YPEL2: variants seen among roughly 807,000 people sequenced by gnomAD.
YPEL2 encodes the protein protein yippee-like 2.
YPEL2 carries 2 observed loss-of-function variants against 19.1 expected under a neutral mutation model. The ratio of observed to expected loss-of-function variants is 0.10; its 90% confidence interval spans 0.04 to 0.33. The LOEUF is 0.33. YPEL2 is among the 10% of genes least tolerant of loss of function. The pLI, the probability that YPEL2 is intolerant of heterozygous loss-of-function variation, is 1.00. For synonymous variants in YPEL2, 52 were observed against 50.0 expected (o/e 1.04, Z -0.17); for missense variants, 66 against 140.7 (o/e 0.47, Z 2.68).
chr17:59,391,973 T>C (rs1455284526), intron 4 of YPEL2, among the ~76,000 whole-genome samples: 1 of 151,912 alleles, frequency 6.6e-6, no homozygotes, highest in Non-Finnish European at 1.5e-5. Flanking sequence ...CAGCTTCCTA[T>C]GGTTGGCTTG....
At chr17:59,389,117 A>C (rs942844996) in intron 3 of YPEL2, 11 of 515,236 alleles carry the variant, frequency 2.1e-5, no homozygotes, top group Non-Finnish European at 3.8e-5. Flanking sequence ...AATTTTAAGC[A>C]AACTCTCAAC....
intron 2 of YPEL2, among the ~76,000 whole-genome samples, chr17:59,374,726 T>C (rs1429010750): frequency 6.6e-6 from 1 of 152,122 alleles, no homozygotes; most frequent in Non-Finnish European, 1.5e-5. Context: ...TAGGGAAAAT[T>C]TGAAGGGACC....
rs866593262 is a variant in YPEL2, at chr17:59,389,489, T to C, written c.270+21T>C. On this transcript the variant is annotated intron_variant, in intron 4 of 4. Transcript: ENST00000312655. ...AATACGTAAGTATAAAGGAGTTTGG[T>C]TGGTAGAGGGCTGGAAGGGAATTGC... 5 of 1,593,530 alleles carry C rather than the reference T, an allele frequency of 3.1e-6. No homozygotes were observed. In the Middle Eastern group the frequency reaches 8.3e-4, roughly 264 times the overall value.
intron 1 of YPEL2, among the ~76,000 whole-genome samples, chr17:59,334,813 ATGT>A (rs1350903339): frequency 2.0e-5 from 3 of 152,200 alleles, no homozygotes; most frequent in Non-Finnish European, 4.4e-5. Context: ...AACTTTAATA[ATGT>A]TCAGTTTGGC....
chr17:59,346,965 A>C (rs974340704), intron 1 of YPEL2, among the ~76,000 whole-genome samples: 1 of 152,182 alleles, frequency 6.6e-6, no homozygotes, highest in African/African-American at 2.4e-5. Context: ...ATGCCTCCTA[A>C]GAGAGTTCCT....
Position 59,397,250 on chromosome 17 carries a change from C to T in YPEL2, c.*60C>T. 7.3e-7 allele frequency: 1 copy of T among 1,376,760 alleles called. No homozygotes were observed. The highest frequency in any genetic ancestry group is 9.9e-7 in the Non-Finnish European group (1 of 1,006,182). 85.3% of individuals were successfully genotyped at this position (1,376,760 alleles called of 1,614,324 possible). On this transcript the variant is annotated 3_prime_UTR_variant, in exon 5 of 5. Coordinates refer to ENST00000312655, the MANE Select transcript of YPEL2 (RefSeq NM_001005404.4). ...AACGCCATTCAACCGAACATTCTTC[C>T]CAAGCGTGAGAGAGTGACTGACACT...
At chr17:59,356,677 A>G (rs2147941679) in intron 2 of YPEL2, among the ~76,000 whole-genome samples, 1 of 152,350 alleles carries the variant, frequency 6.6e-6, no homozygotes, top group Middle Eastern at 3.4e-3. Context: ...AATGCCATAG[A>G]CTAGTTAGCT....
intron 2 of YPEL2, among the ~76,000 whole-genome samples, chr17:59,368,150 C>A (rs2047879730): frequency 6.6e-6 from 1 of 152,042 alleles, no homozygotes; most frequent in Non-Finnish European, 1.5e-5. Context: ...GAGGCATGAT[C>A]ACAACTCACT....
chr17:59,348,917 T>C (rs1224076797), intron 1 of YPEL2, among the ~76,000 whole-genome samples: 1 of 152,186 alleles, frequency 6.6e-6, no homozygotes, highest in Non-Finnish European at 1.5e-5. Context: ...CTGGGCGCAG[T>C]GGCTCACGCC....
rs1296081449 is a variant in YPEL2 at position 59,331,734 on chromosome 17, G to C, written c.-286G>C. 6.6e-6 allele frequency: 1 copy of C among 152,188 alleles called. No individual in the cohort carries two copies. Among genetic ancestry groups the C allele is most frequent in the African/African-American group, 2.4e-5 (1 of 41,444 alleles). 9.4% of individuals were successfully genotyped at this position (152,188 alleles called of 1,614,324 possible). On this transcript the variant is annotated 5_prime_UTR_variant, in exon 1 of 5. Coordinates refer to ENST00000312655, the MANE Select transcript of YPEL2 (RefSeq NM_001005404.4). ...GACTGTGGCTTTAAGAGCGTGCCGG[G>C]AGCCCGAGCCCCAGCCGGGCCGCGC...
At chr17:59,383,617 T>A (rs1473442760) in intron 2 of YPEL2, among the ~76,000 whole-genome samples, 9 of 28,472 alleles carry the variant, frequency 3.2e-4, no homozygotes, top group African/African-American at 1.4e-3. Context: ...AAAATATATA[T>A]ATATATATAT....
chr17:59,388,246 C>CT, intron 2 of YPEL2, 81 bp from the exon 3 acceptor site: 1 of 1,392,658 alleles, frequency 7.2e-7, no homozygotes, highest in Non-Finnish European at 1.0e-6. Context: ...GAAGGTCATG[C>CT]TTAACTGTGA....
intron 1 of YPEL2, among the ~76,000 whole-genome samples, chr17:59,335,151 AT>A (rs929508336): frequency 5.9e-5 from 9 of 152,330 alleles, no homozygotes; most frequent in South Asian, 2.1e-4. Flanking sequence ...GGCTAAAGAT[AT>A]TTTTTAGAGT....
At chr17:59,386,000 G>T (rs2047978127) in intron 2 of YPEL2, among the ~76,000 whole-genome samples, 1 of 152,132 alleles carries the variant, frequency 6.6e-6, no homozygotes, top group South Asian at 2.1e-4. Flanking sequence ...ATAAACAGAT[G>T]ATTTCAATCC....
intron 2 of YPEL2, among the ~76,000 whole-genome samples, chr17:59,359,119 T>C (rs916585092): frequency 3.3e-5 from 5 of 151,988 alleles, no homozygotes; most frequent in Admixed American, 2.0e-4. Context: ...AGACGGGATT[T>C]TGCCATGTTG....
intron 4 of YPEL2, among the ~76,000 whole-genome samples, chr17:59,392,720 G>A (rs2147959539): frequency 6.6e-6 from 1 of 152,084 alleles, no homozygotes; most frequent in African/African-American, 2.4e-5. Context: ...CACCATGTTG[G>A]TCAGGCTGGT....
At chr17:59,389,718 A>G (rs1246197656) in intron 4 of YPEL2, among the ~76,000 whole-genome samples, 1 of 151,804 alleles carries the variant, frequency 6.6e-6, no homozygotes, top group Non-Finnish European at 1.5e-5. Flanking sequence ...AATGGCATAT[A>G]ACCTTACTCG....
intron 2 of YPEL2, among the ~76,000 whole-genome samples, chr17:59,377,479 T>C (rs2047928036): frequency 6.6e-6 from 1 of 152,170 alleles, no homozygotes. Context: ...CATGTTGGCC[T>C]CTCTTCTGTA....
intron 2 of YPEL2, among the ~76,000 whole-genome samples, chr17:59,357,407 A>T (rs1470321148): frequency 6.6e-6 from 1 of 152,098 alleles, no homozygotes; most frequent in Admixed American, 6.6e-5. Context: ...GGGTAGGGGG[A>T]AAAACTCTTG....
Sources: allele counts gnomAD v4.1 joint callset (sites outside exome capture counted in the v4.1 genomes callset), GRCh38; gene constraint gnomAD v4.1.1; transcripts MANE v1.5; gene names NCBI Gene and HGNC (gene_info 2026-07-23, HGNC 2026-07-21).